FAM81B: variants seen among roughly 807,000 people sequenced by gnomAD.
The protein encoded by FAM81B is protein FAM81B.
A neutral mutation model predicts 58.7 loss-of-function variants in FAM81B; 60 were observed. That is an observed-to-expected ratio of 1.02 (90% CI 0.83 to 1.27). The LOEUF (loss-of-function observed/expected upper bound fraction) is 1.27. Among genes scored for constraint, FAM81B ranks in the 50% most tolerant of loss-of-function variants. The pLI is 0.00. For missense variants in FAM81B, 491 were observed against 522.0 expected, an observed-to-expected ratio of 0.94 and a Z score of 0.58; for synonymous variants, 189 against 179.6, an observed-to-expected ratio of 1.05 and a Z score of -0.42.
In FAM81B at chr5:95,427,245, T is replaced by C. The variant is rs1299724006; in HGVS notation, c.657-1358T>C. Among the ~76,000 whole-genome samples the C allele has an allele frequency of 3.3e-5, 5 of 152,036 alleles. No homozygotes were observed. In the South Asian group the frequency reaches 1.0e-3, roughly 32 times the overall value. On this transcript the variant is annotated intron_variant, in intron 5 of 9. Coordinates refer to ENST00000283357, the MANE Select transcript of FAM81B (RefSeq NM_152548.3). ...GGTAGCAGCAGCCACTCCTGAGCAG[T>C]CTTTGGGGGTCTTAATATGGACTCA...
At chr5:95,449,032 A>G (rs1297136343) in intron 9 of FAM81B, among the ~76,000 whole-genome samples, 2 of 152,212 alleles carry the variant, frequency 1.3e-5, no homozygotes, top group Non-Finnish European at 2.9e-5. Flanking sequence ...CTCAAAGGGA[A>G]GGACATGGAA....
At chr5:95,417,358 A>G (rs778722612) in intron 4 of FAM81B, among the ~76,000 whole-genome samples, 3 of 152,098 alleles carry the variant, frequency 2.0e-5, no homozygotes, top group Non-Finnish European at 4.4e-5. Flanking sequence ...TAAAGTGACT[A>G]TTTAAAGTAA....
intron 5 of FAM81B, among the ~76,000 whole-genome samples, chr5:95,422,063 G>T (rs578014560): frequency 6.6e-6 from 1 of 152,156 alleles, no homozygotes; most frequent in Non-Finnish European, 1.5e-5. Context: ...GAGCTCAAAA[G>T]GGGAGGAAGG....
chr5:95,444,523 A>G (rs1389154485), intron 7 of FAM81B, among the ~76,000 whole-genome samples: 1 of 152,126 alleles, frequency 6.6e-6, no homozygotes, highest in Non-Finnish European at 1.5e-5. Flanking sequence ...AAAATGAGGG[A>G]GTCTACGTAT....
At chr5:95,418,546 A>G (rs939803419) in intron 4 of FAM81B, among the ~76,000 whole-genome samples, 1 of 152,224 alleles carries the variant, frequency 6.6e-6, no homozygotes, top group African/African-American at 2.4e-5. Flanking sequence ...GTACGATATT[A>G]TAGTACATTG....
chr5:95,418,405 A>G (rs903425307), intron 4 of FAM81B, among the ~76,000 whole-genome samples: 1 of 152,180 alleles, frequency 6.6e-6, no homozygotes, highest in Non-Finnish European at 1.5e-5. Context: ...GAAAAAAAAA[A>G]TTGTATGCTG....
At chr5:95,426,030 T>G (rs1762814924) in intron 5 of FAM81B, among the ~76,000 whole-genome samples, 1 of 148,930 alleles carries the variant, frequency 6.7e-6, no homozygotes, top group Admixed American at 6.7e-5. Context: ...ATGTAATATT[T>G]TAAAGTTGAT....
intron 7 of FAM81B, among the ~76,000 whole-genome samples, chr5:95,442,891 C>G (rs1455483551): frequency 6.6e-6 from 1 of 152,122 alleles, no homozygotes; most frequent in Non-Finnish European, 1.5e-5. Context: ...AGCATATGGT[C>G]TGTCTTAAGC....
intron 5 of FAM81B, among the ~76,000 whole-genome samples, chr5:95,423,621 C>G (rs1762745563): frequency 6.7e-6 from 1 of 148,292 alleles, no homozygotes; most frequent in Admixed American, 6.7e-5. Context: ...TTTAAAGAAA[C>G]ATAATAATGT....
chr5:95,428,807 C>T, intron 6 of FAM81B, 75 bp downstream of exon 6: 1 of 1,585,772 alleles, frequency 6.3e-7, no homozygotes, highest in Non-Finnish European at 8.6e-7. Flanking sequence ...TCAAAATGCC[C>T]AATCAGGTGG....
intron 8 of FAM81B, 112 bp downstream of exon 8, chr5:95,446,809 T>TA: frequency 7.1e-7 from 1 of 1,400,868 alleles, no homozygotes. Flanking sequence ...ACTGCTTCAG[T>TA]AACTTTTTTT....
chr5:95,395,471 G>A (rs1285961085), intron 2 of FAM81B, among the ~76,000 whole-genome samples: 1 of 150,928 alleles, frequency 6.6e-6, no homozygotes, highest in Admixed American at 6.6e-5. Flanking sequence ...AGAATTTAAG[G>A]CATTTTTGAG....
chr5:95,396,176 G>A lies in FAM81B; in HGVS notation c.293+1G>A. 1 of 1,593,620 alleles carries A rather than the reference G, an allele frequency of 6.3e-7. No homozygotes were observed. The highest frequency in any genetic ancestry group is 8.5e-7 in the Non-Finnish European group (1 of 1,171,984). Reference sequence around the variant, plus strand: ...CAGATCTAGTTGAATATGTTGACAAGTAAGTGTGTAAATTACAACTAGTTT... The same window carrying A: ...CAGATCTAGTTGAATATGTTGACAAATAAGTGTGTAAATTACAACTAGTTT... On this transcript the variant is annotated splice_donor_variant, in intron 3 of 9. Transcript: ENST00000283357. LOFTEE classifies it high-confidence loss of function.
At chr5:95,408,075 T>TGAGAGAGAGAGAGAGAGAGA (rs10567707) in intron 3 of FAM81B, among the ~76,000 whole-genome samples, 45 of 130,316 alleles carry the variant, frequency 3.5e-4, no homozygotes, top group African/African-American at 9.2e-4. Flanking sequence ...TCCCCCAAAA[T>TGAGAGAGAGAGAGAGAGAGA]GAGAGAGAGA....
chr5:95,443,887 C>T (rs1022475335), intron 7 of FAM81B, among the ~76,000 whole-genome samples: 9 of 152,210 alleles, frequency 5.9e-5, no homozygotes, highest in Non-Finnish European at 1.3e-4. Context: ...CATGGGCATA[C>T]TTAATGTTTC....
chr5:95,434,804 T>C (rs1745037163), intron 6 of FAM81B, among the ~76,000 whole-genome samples: 1 of 152,266 alleles, frequency 6.6e-6, no homozygotes, highest in South Asian at 2.1e-4. Flanking sequence ...TTTGGCTGTG[T>C]CCTTTTGATA....
intron 3 of FAM81B, among the ~76,000 whole-genome samples, chr5:95,400,447 C>CACACAT (rs1554042707): frequency 1.9e-4 from 29 of 151,408 alleles, no homozygotes; most frequent in African/African-American, 6.4e-4. Context: ...CACACACACA[C>CACACAT]ACATACATAC....
At chr5:95,425,818 T>C (rs1762808485) in intron 5 of FAM81B, among the ~76,000 whole-genome samples, 1 of 151,906 alleles carries the variant, frequency 6.6e-6, no homozygotes. Flanking sequence ...TTCTTATTTT[T>C]TGGCATATGG....
chr5:95,433,841 TATA>T (rs1369990258), intron 6 of FAM81B, among the ~76,000 whole-genome samples: 2 of 152,192 alleles, frequency 1.3e-5, no homozygotes, highest in African/African-American at 4.8e-5. Context: ...CCATTTCACC[TATA>T]ATTTCAGTTT....
Sources: gnomAD v4.1 joint callset for allele counts (sites outside exome capture counted in the v4.1 genomes callset) on GRCh38, gnomAD v4.1.1 for gene constraint, MANE v1.5 for transcripts, NCBI Gene and HGNC (gene_info 2026-07-23, HGNC 2026-07-21) for gene names.